Variants in SNX29 observed in about 807,000 individuals in gnomAD.
SNX29 encodes sorting nexin 29.
A neutral mutation model predicts 102.1 loss-of-function variants in SNX29; 78 were observed. That is an observed-to-expected ratio of 0.76 (90% CI 0.64 to 0.92). SNX29 has a LOEUF of 0.92. SNX29 is among the 40% of genes least tolerant of loss of function. The probability of loss-of-function intolerance (pLI) is 0.00; values close to 1 mark genes in which losing one functional copy is unlikely to be tolerated. For synonymous variants in SNX29, 580 were observed against 414.5 expected (o/e 1.40, Z -4.85); for missense variants, 1,280 against 1,061.7 (o/e 1.21, Z -2.86).
intron 14 of SNX29, among the ~76,000 whole-genome samples, chr16:12,244,633 A>G (rs1639372287): frequency 1.3e-5 from 2 of 151,950 alleles, no homozygotes; most frequent in Non-Finnish European, 2.9e-5. Flanking sequence ...CATCCAAATC[A>G]CCTATGCAGA....
intron 17 of SNX29, among the ~76,000 whole-genome samples, chr16:12,400,571 C>G (rs997511715): frequency 3.9e-5 from 6 of 152,194 alleles, no homozygotes; most frequent in African/African-American, 1.4e-4. Context: ...AAAGCCTGGC[C>G]GAAACATTGC....
At chr16:12,562,218 T>G (rs977233788) in intron 20 of SNX29, among the ~76,000 whole-genome samples, 1 of 151,806 alleles carries the variant, frequency 6.6e-6, no homozygotes, top group African/African-American at 2.4e-5. Context: ...CTGCTGGAGG[T>G]GGCCAAGTTC....
chr16:12,122,993 A>AT (rs2054043061), intron 11 of SNX29, among the ~76,000 whole-genome samples: 1 of 151,880 alleles, frequency 6.6e-6, no homozygotes, highest in Non-Finnish European at 1.5e-5. Flanking sequence ...CACCCAGCTA[A>AT]TTTTTGTATT....
At chr16:12,039,342 A>G (rs911214443) in intron 4 of SNX29, among the ~76,000 whole-genome samples, 1 of 151,944 alleles carries the variant, frequency 6.6e-6, no homozygotes, top group Non-Finnish European at 1.5e-5. Context: ...CAGGCTTAGC[A>G]TGGTTGAGTG....
chr16:12,538,057 C>A (rs753164413), intron 20 of SNX29, among the ~76,000 whole-genome samples: 11 of 151,732 alleles, frequency 7.2e-5, no homozygotes, highest in African/African-American at 2.7e-4. Flanking sequence ...TATAATCGAT[C>A]TTGGTGACAG....
chr16:12,301,437 C>T (rs370776302), intron 15 of SNX29, among the ~76,000 whole-genome samples: 5 of 152,326 alleles, frequency 3.3e-5, no homozygotes, highest in African/African-American at 9.6e-5. Flanking sequence ...ACTCCCTCTC[C>T]CCCAAATCTC....
Position 12,173,638 on chromosome 16 carries a change from CCTT to C in SNX29, c.1596-25960_1596-25958del, listed in dbSNP as rs1230053730. Among the ~76,000 whole-genome samples, 5 of 152,212 alleles carry C rather than the reference CCTT, an allele frequency of 3.3e-5. No homozygotes were observed. In the East Asian group the frequency reaches 9.6e-4, roughly 29 times the overall value. ...ATATCTGTTAACCAGGAGCCAAACA[CCTT>C]CTGCTTCTGGAGCCAATGCTAATGT... is the stretch of plus-strand genomic sequence containing the variant. On this transcript the variant is annotated intron_variant, in intron 13 of 20. Coordinates refer to ENST00000566228, the MANE Select transcript of SNX29 (RefSeq NM_032167.5).
At chr16:12,123,350 C>G (rs180711227) in intron 11 of SNX29, among the ~76,000 whole-genome samples, 2 of 152,178 alleles carry the variant, frequency 1.3e-5, no homozygotes, top group East Asian at 3.9e-4. Flanking sequence ...GTATTGTTAG[C>G]CAGAGTCCCC....
intron 14 of SNX29, among the ~76,000 whole-genome samples, chr16:12,243,484 C>G (rs553051531): frequency 1.3e-5 from 2 of 152,158 alleles, no homozygotes; most frequent in African/African-American, 4.8e-5. Context: ...GACTCAGTAC[C>G]GTGTGAGATT....
At chr16:12,380,289 A>G (rs904487848) in intron 16 of SNX29, among the ~76,000 whole-genome samples, 56 of 146,314 alleles carry the variant, frequency 3.8e-4, no homozygotes, top group Admixed American at 1.1e-3. Flanking sequence ...GTTCTCATCT[A>G]CCCCCCAACA....
chr16:12,063,354 TTCCTAG>T (rs2151277019), intron 9 of SNX29, among the ~76,000 whole-genome samples: 1 of 147,466 alleles, frequency 6.8e-6, no homozygotes, highest in African/African-American at 2.5e-5. Flanking sequence ...ACCTCTTCTT[TTCCTAG>T]TCCATCTTTT....
In SNX29 at chr16:12,408,526, G is replaced by T. The variant is rs1163087727; in HGVS notation, c.2037+4997G>T. On this transcript the variant is annotated intron_variant, in intron 18 of 20. Transcript: ENST00000566228. ...AGAACCTGCCTCGGGGTGGCTGCTTGAAAAAGTCCTCCGGCCAGGTGCAGT... is the reference window on the plus strand; with the variant it reads ...AGAACCTGCCTCGGGGTGGCTGCTTTAAAAAGTCCTCCGGCCAGGTGCAGT... Among the ~76,000 whole-genome samples the T allele has an allele frequency of 5.3e-5, 8 of 152,200 alleles. No individual in the cohort carries two copies. In the East Asian group the frequency reaches 9.6e-4, roughly 18 times the overall value.
At chr16:12,450,606 G>A (rs1406836838) in intron 18 of SNX29, among the ~76,000 whole-genome samples, 4 of 152,192 alleles carry the variant, frequency 2.6e-5, no homozygotes, top group Admixed American at 6.5e-5. Flanking sequence ...AAGGGAAGAC[G>A]GAGGCTTCCC....
intron 20 of SNX29, among the ~76,000 whole-genome samples, chr16:12,539,054 G>A (rs1012986100): frequency 6.6e-6 from 1 of 152,204 alleles, no homozygotes; most frequent in African/African-American, 2.4e-5. Context: ...AGACATCACT[G>A]TGTATTCTGG....
chr16:12,278,628 G>C (rs1317231745), intron 15 of SNX29, among the ~76,000 whole-genome samples: 1 of 152,086 alleles, frequency 6.6e-6, no homozygotes, highest in Non-Finnish European at 1.5e-5. Context: ...TATTTCCTGA[G>C]AGGGTTTTTA....
chr16:12,433,940 A>G (rs1242401290), intron 18 of SNX29, among the ~76,000 whole-genome samples: 2 of 152,216 alleles, frequency 1.3e-5, no homozygotes, highest in Admixed American at 1.3e-4. Context: ...CTTAAGGGTC[A>G]GTCTCCTCTG....
chr16:12,551,036 G>C (rs938535131), intron 20 of SNX29, among the ~76,000 whole-genome samples: 2 of 152,102 alleles, frequency 1.3e-5, no homozygotes, highest in African/African-American at 4.8e-5. Flanking sequence ...TTCTAAACAA[G>C]GTGTCATCCA....
chr16:12,194,401 G>A (rs944153115), intron 13 of SNX29, among the ~76,000 whole-genome samples: 10 of 152,102 alleles, frequency 6.6e-5, no homozygotes, highest in African/African-American at 2.2e-4. Context: ...GATTTCCTTT[G>A]TAGATGGTCA....
At chr16:12,301,453 G>A (rs1220768410) in intron 15 of SNX29, among the ~76,000 whole-genome samples, 1 of 152,218 alleles carries the variant, frequency 6.6e-6, no homozygotes, top group Non-Finnish European at 1.5e-5. Flanking sequence ...ATCTCCACAT[G>A]GCTGGCTTCG....
Sources: gnomAD v4.1 joint callset for allele counts (sites outside exome capture counted in the v4.1 genomes callset) on GRCh38, gnomAD v4.1.1 for gene constraint, MANE v1.5 for transcripts, NCBI Gene and HGNC (gene_info 2026-07-23, HGNC 2026-07-21) for gene names.